Variants in UBR3 observed in about 807,000 individuals in gnomAD.
The protein encoded by UBR3 is E3 ubiquitin-protein ligase UBR3.
UBR3 carries 85 observed loss-of-function variants against 243.2 expected under a neutral mutation model. The observed-to-expected ratio is 0.35, with a 90% CI of 0.29 to 0.42. The LOEUF is 0.42. Ranked by LOEUF, UBR3 falls within the 10% of genes least tolerant of loss-of-function variation. The pLI is 1.00. For synonymous variants in UBR3, 748 were observed against 799.8 expected (o/e 0.94, Z 1.09); for missense variants, 1,686 against 2,300.8 (o/e 0.73, Z 5.47).
chr2:170,081,621 C>T (rs112857895), intron 38 of UBR3, 105 bp from the exon 39 acceptor site: 20,738 of 701,184 alleles, frequency 0.03, 649 homozygotes, highest in African/African-American at 0.13. Context: ...ACCCAGGAGG[C>T]GGAGGTTGCA....
intron 1 of UBR3, among the ~76,000 whole-genome samples, chr2:169,860,877 A>G (rs1477481979): frequency 6.6e-6 from 1 of 152,144 alleles, no homozygotes; most frequent in Non-Finnish European, 1.5e-5. Context: ...CCGAGTCCCA[A>G]AACCTCGAAA....
chr2:170,028,788 A>T (rs543782115), intron 30 of UBR3, among the ~76,000 whole-genome samples: 1 of 151,786 alleles, frequency 6.6e-6, no homozygotes, highest in South Asian at 2.1e-4. Flanking sequence ...TATTGTTATA[A>T]TTCAGGTAGA....
chr2:170,077,770 A>G (rs943314756), intron 36 of UBR3: 1 of 248,142 alleles, frequency 4.0e-6, no homozygotes, highest in South Asian at 8.3e-5. Context: ...ATTTTTAGTA[A>G]AGACAGGGTT....
At chr2:169,989,122 T>G (rs1363947715) in intron 25 of UBR3, among the ~76,000 whole-genome samples, 1 of 152,202 alleles carries the variant, frequency 6.6e-6, no homozygotes, top group East Asian at 1.9e-4. Flanking sequence ...TTAGAATTAT[T>G]TCGAAGCAGA....
chr2:169,925,167 AGATT>A (rs1403574715), intron 13 of UBR3, among the ~76,000 whole-genome samples: 1 of 152,230 alleles, frequency 6.6e-6, no homozygotes, highest in African/African-American at 2.4e-5. Context: ...TATAGATTTA[AGATT>A]GAGTTAGGGT....
At chr2:170,005,998 G>T (rs1466372486) in intron 27 of UBR3, among the ~76,000 whole-genome samples, 1 of 152,078 alleles carries the variant, frequency 6.6e-6, no homozygotes, top group Non-Finnish European at 1.5e-5. Context: ...AGTTGAGAGG[G>T]TTTCTGGGGG....
chr2:170,020,161 T>C (rs76444112), intron 30 of UBR3, among the ~76,000 whole-genome samples: 3,290 of 152,280 alleles, frequency 0.022, 49 homozygotes, highest in Non-Finnish European at 0.031. Context: ...ATGAAGGCCT[T>C]TTTCAAATTT....
intron 24 of UBR3, among the ~76,000 whole-genome samples, chr2:169,963,353 C>T (rs896687486): frequency 2.6e-5 from 4 of 152,064 alleles, no homozygotes; most frequent in Admixed American, 1.3e-4. Context: ...TGTAACTTTC[C>T]GATATCACAT....
At chr2:170,035,971 T>C (rs1224813980) in intron 31 of UBR3, among the ~76,000 whole-genome samples, 1 of 151,690 alleles carries the variant, frequency 6.6e-6, no homozygotes, top group Non-Finnish European at 1.5e-5. Flanking sequence ...CAATTGTTCC[T>C]TGCCAGTATA....
chr2:169,973,524 A>T (rs2088276026), intron 24 of UBR3, among the ~76,000 whole-genome samples: 1 of 152,188 alleles, frequency 6.6e-6, no homozygotes, highest in Non-Finnish European at 1.5e-5. Context: ...TATACTAGAA[A>T]CACTACTGAT....
chr2:169,932,799 G>T, intron 18 of UBR3, 113 bp from the exon 19 acceptor site: 1 of 898,806 alleles, frequency 1.1e-6, no homozygotes, highest in Non-Finnish European at 1.7e-6. Flanking sequence ...ACTATAATCA[G>T]ATTAAATTGT....
chr2:169,896,756 C>G, intron 8 of UBR3, 21 bp downstream of exon 8: 1 of 1,493,948 alleles, frequency 6.7e-7, no homozygotes, highest in Non-Finnish European at 9.1e-7. Flanking sequence ...ATTATATTCA[C>G]TAGTTCTATT....
intron 19 of UBR3, among the ~76,000 whole-genome samples, chr2:169,940,320 T>C (rs1198845152): frequency 1.3e-5 from 2 of 152,180 alleles, no homozygotes; most frequent in Non-Finnish European, 2.9e-5. Context: ...TTTTTCTATA[T>C]AGTTTAGGCT....
intron 1 of UBR3, among the ~76,000 whole-genome samples, chr2:169,847,838 T>G (rs904711312): frequency 6.6e-6 from 1 of 152,236 alleles, no homozygotes; most frequent in East Asian, 1.9e-4. Flanking sequence ...TCAAATGTTT[T>G]TATCCCTGGC....
In UBR3 at chr2:169,838,384, CATTTGT is replaced by C. The variant is rs1347683456; in HGVS notation, c.545+10333_545+10338del. Among the ~76,000 whole-genome samples, 178 of 133,612 alleles carry C rather than the reference CATTTGT, an allele frequency of 1.3e-3. 1 individual carries two copies. Among genetic ancestry groups the C allele is most frequent in the African/African-American group, 4.8e-3 (165 of 34,490 alleles). The allele number at this position is 133,612 out of a possible 152,430, so 87.7% of individuals were successfully genotyped here. A position where few individuals can be genotyped will look rare whatever the true frequency, so the allele number is the denominator to read the frequency against. On this transcript the variant is annotated intron_variant, in intron 1 of 38. Coordinates refer to ENST00000272793, the MANE Select transcript of UBR3 (RefSeq NM_172070.4). ...GAAGCTGGGAAGTCCAAGATTAAGG[CATTTGT>C]GTGTGTGTGTGTGTGTGTGTGTGTG...
In UBR3 at chr2:170,037,050, A is replaced by G. The variant is rs181743054; in HGVS notation, c.4557-3832A>G. ...TTTTAAAACTATATAACGTACTTGGAATTCATTCTCACCTGTAGTGTTAGG... is the reference window on the plus strand; with the variant it reads ...TTTTAAAACTATATAACGTACTTGGGATTCATTCTCACCTGTAGTGTTAGG... On this transcript the variant is annotated intron_variant, in intron 31 of 38. Transcript: ENST00000272793. 9.2e-5 allele frequency among the ~76,000 whole-genome samples: 14 copies of G among 152,220 alleles called. 1 individual carries two copies. In the East Asian group the frequency reaches 2.7e-3, roughly 29 times the overall value.
intron 24 of UBR3, among the ~76,000 whole-genome samples, chr2:169,983,420 C>T (rs2088849246): frequency 6.6e-6 from 1 of 151,830 alleles, no homozygotes; most frequent in Non-Finnish European, 1.5e-5. Context: ...ATCACCACAC[C>T]CAGCCAATTT....
chr2:169,983,664 G>A (rs893865260), intron 24 of UBR3, among the ~76,000 whole-genome samples: 1 of 152,162 alleles, frequency 6.6e-6, no homozygotes, highest in Non-Finnish European at 1.5e-5. Context: ...ACATTGTGAA[G>A]AGCATGGATA....
At chr2:169,866,932 C>G (rs13427007) in intron 1 of UBR3, among the ~76,000 whole-genome samples, 223 of 152,242 alleles carry the variant, frequency 1.5e-3, no homozygotes, top group African/African-American at 5.1e-3. Flanking sequence ...AACATGCTAA[C>G]TTTTATTTTG....
Sources: gnomAD v4.1 joint callset for allele counts (sites outside exome capture counted in the v4.1 genomes callset) on GRCh38, gnomAD v4.1.1 for gene constraint, MANE v1.5 for transcripts, NCBI Gene and HGNC (gene_info 2026-07-23, HGNC 2026-07-21) for gene names.